Variants in SREBF1 observed in about 807,000 individuals in gnomAD.
SREBF1 encodes sterol regulatory element binding transcription factor 1.
SREBF1 carries 45 observed loss-of-function variants against 100.1 expected under a neutral mutation model. The ratio of observed to expected loss-of-function variants is 0.45; its 90% CI spans 0.35 to 0.58. SREBF1 has a LOEUF of 0.58. SREBF1 is among the 20% of genes least tolerant of loss of function. The pLI is 0.00. For missense variants in SREBF1, 1,324 were observed against 1,539.4 expected, an observed-to-expected ratio of 0.86 and a Z score of 2.34; for synonymous variants, 657 against 681.8, an observed-to-expected ratio of 0.96 and a Z score of 0.57.
At position 17,815,870 on chromosome 17, in the gene SREBF1, G is replaced by A. The variant is rs768387797; in HGVS notation, c.2373C>T (p.Ala791=). ...STPWESLYSL[A]GNPVDPLAQV... ...GGGGTAAGAGAGCACCTGGGTTCCCGGCCAAGCTGTACAGGCTCTCCCATG... is the reference window on the plus strand; with the variant it reads ...GGGGTAAGAGAGCACCTGGGTTCCCAGCCAAGCTGTACAGGCTCTCCCATG... The change falls in exon 12 of 19, where the codon GCC becomes GCT. Residue 791 remains alanine, a synonymous_variant. Coordinates refer to ENST00000261646, the MANE Select transcript of SREBF1 (RefSeq NM_004176.5). 2.4e-5 allele frequency: 38 copies of A among 1,612,516 alleles called. No individual in the cohort carries two copies. Among genetic ancestry groups the A allele is most frequent in the Middle Eastern group, 1.6e-4 (1 of 6,080 alleles).
chr17:17,818,892 G>A, intron 5 of SREBF1, 121 bp downstream of exon 5: 2 of 1,198,160 alleles, frequency 1.7e-6, no homozygotes, highest in South Asian at 1.2e-5. Flanking sequence ...GCCTGGGGAG[G>A]CTGAATTCCA....
At chr17:17,820,582 A>G in intron 1 of SREBF1, 61 bp from the exon 2 acceptor site, 2 of 1,547,420 alleles carry the variant, frequency 1.3e-6, no homozygotes, top group Non-Finnish European at 1.8e-6. Flanking sequence ...ACAGGGCATC[A>G]CACACATCCA....
chr17:17,818,858 A>C, intron 5 of SREBF1, 155 bp downstream of exon 5: 4 of 838,178 alleles, frequency 4.8e-6, no homozygotes, highest in Non-Finnish European at 7.8e-6. Context: ...AAACCAGTTT[A>C]ACTAAATAAA....
In SREBF1 at chr17:17,813,739, G is replaced by A; in HGVS notation, c.2932C>T (p.Leu978Phe). 1 of 1,535,694 alleles carries A rather than the reference G, an allele frequency of 6.5e-7. No individual in the cohort carries two copies. The highest frequency in any genetic ancestry group is 8.7e-7 in the Non-Finnish European group (1 of 1,146,940). Residue 978 changes from leucine (L) to phenylalanine (F), a missense_variant, in exon 17 of 19, where the codon CTT (leucine) becomes TTT (phenylalanine). Coordinates refer to ENST00000261646, the MANE Select transcript of SREBF1 (RefSeq NM_004176.5). ...CGCCACAGGCTGGTGCGCACCACAA[G>A]AAGCAGGTCACACAGGAACAGCTGC... is the stretch of plus-strand genomic sequence containing the variant. Reference protein sequence around the residue: ...AVQLFLCDLLLVVRTSLWRQQ... With the variant: ...AVQLFLCDLLFVVRTSLWRQQ...
intron 1 of SREBF1, among the ~76,000 whole-genome samples, chr17:17,830,061 G>A (rs2034763040): frequency 6.6e-6 from 1 of 152,258 alleles, no homozygotes; most frequent in Non-Finnish European, 1.5e-5. Context: ...CATGGTAGAT[G>A]CTCAGAACTT....
intron 1 of SREBF1, 192 bp from the exon 2 acceptor site, chr17:17,820,713 C>A (rs2034037769): frequency 3.0e-6 from 2 of 673,006 alleles, no homozygotes; most frequent in Non-Finnish European, 5.3e-6. Context: ...TTTGCGAGCA[C>A]CTGTGCTGTC....
chr17:17,814,067 C>T, intron 16 of SREBF1, 178 bp downstream of exon 16: 1 of 745,916 alleles, frequency 1.3e-6, no homozygotes, highest in South Asian at 1.8e-5. Flanking sequence ...CAGATAGGGG[C>T]AACCCCTCTC....
chr17:17,812,381 C>G lies in SREBF1; in HGVS notation c.*241G>C. 1 of 594,932 alleles carries G rather than the reference C, an allele frequency of 1.7e-6. No homozygotes were observed. The highest frequency in any genetic ancestry group is 2.9e-6 in the Non-Finnish European group (1 of 340,602). 36.9% of individuals were successfully genotyped at this position (594,932 alleles called of 1,614,324 possible). A position where few individuals can be genotyped will look rare whatever the true frequency, so the allele number is the denominator to read the frequency against. ...CAAGGAGGGGGGCCCCCCAAAATGGCTCGGCCCCTGCAGTGCCCCGATCGG... is the reference window on the plus strand; with the variant it reads ...CAAGGAGGGGGGCCCCCCAAAATGGGTCGGCCCCTGCAGTGCCCCGATCGG... On this transcript the variant is annotated 3_prime_UTR_variant, in exon 19 of 19. Coordinates refer to ENST00000261646, the MANE Select transcript of SREBF1 (RefSeq NM_004176.5).
At chr17:17,822,992 G>C (rs1403149695) in intron 1 of SREBF1, among the ~76,000 whole-genome samples, 1 of 152,204 alleles carries the variant, frequency 6.6e-6, no homozygotes, top group Non-Finnish European at 1.5e-5. Flanking sequence ...AGTCATAATG[G>C]ACTTTCAACT....
Position 17,817,813 on chromosome 17 carries a change from G to T in SREBF1, c.1287C>A (p.Pro429=). 2 of 1,612,568 alleles carry T rather than the reference G, an allele frequency of 1.2e-6. No individual in the cohort carries two copies. Among genetic ancestry groups the T allele is most frequent in the Non-Finnish European group, 1.7e-6 (2 of 1,180,002 alleles). Residue 429 remains proline (P), a synonymous_variant, in exon 7 of 19, where the codon CCC becomes CCA. Coordinates refer to ENST00000261646, the MANE Select transcript of SREBF1 (RefSeq NM_004176.5). This position sits in a 1 kb window ranked among gnomAD's most constrained non-coding sequence, Gnocchi z 6.6. ...TCTGGAAAGGTGAGCCAGCATCCGA[G>T]GGGGGTGGGGTCAGTGTGTCCTCCA... ...TEVEDTLTPP[P]SDAGSPFQSS...
chr17:17,812,193 T>A lies in SREBF1; in HGVS notation c.*429A>T. On this transcript the variant is annotated 3_prime_UTR_variant, in exon 19 of 19. Transcript: ENST00000261646. ...GGTCAGGAGGCTAAGCACGCTGACC[T>A]ACACTATGTACACGTCTCTCTCCCA... 1 of 419,930 alleles carries A rather than the reference T, an allele frequency of 2.4e-6. No individual in the cohort carries two copies. The highest frequency in any genetic ancestry group is 1.9e-5 in the South Asian group (1 of 53,774). The allele number at this position is 419,930 out of a possible 1,614,324, so 26.0% of individuals were successfully genotyped here.
intron 16 of SREBF1, 64 bp from the exon 17 acceptor site, chr17:17,813,833 C>T: frequency 6.7e-7 from 1 of 1,482,728 alleles, no homozygotes; most frequent in Non-Finnish European, 9.1e-7. Context: ...AGGATGGGGG[C>T]CCGTGGTGCC....
chr17:17,833,444 AAAAAAAATATATATATAT>A (rs2035013696), intron 1 of SREBF1, among the ~76,000 whole-genome samples: 1 of 121,264 alleles, frequency 8.2e-6, no homozygotes, highest in East Asian at 2.4e-4. Flanking sequence ...AAAAAAAAAA[AAAAAAAATATATATATAT>A]ATATATATAT....
intron 1 of SREBF1, among the ~76,000 whole-genome samples, chr17:17,822,888 T>C (rs1192525803): frequency 1.3e-5 from 2 of 152,156 alleles, no homozygotes; most frequent in African/African-American, 4.8e-5. Context: ...CCTAGAGCAG[T>C]TGGCAGAACA....
In SREBF1 at chr17:17,812,864, GGAT is replaced by G; in HGVS notation, c.3215-16_3215-14del. 1 of 1,473,226 alleles carries G rather than the reference GGAT, an allele frequency of 6.8e-7. No individual in the cohort carries two copies. The allele number at this position is 1,473,226 out of a possible 1,614,324, so 91.3% of individuals were successfully genotyped here. On this transcript the variant is annotated splice_polypyrimidine_tract_variant and intron_variant, in intron 18 of 18. Transcript: ENST00000261646. ...TCCGCCACCGCGCCTGCGCACACGA[GGAT>G]GTGTCAGGGATGGGTCTCAAGCTGG...
At position 17,819,469 on chromosome 17, in the gene SREBF1, G is replaced by C; in HGVS notation, c.712-15C>G. The C allele has an allele frequency of 6.2e-7, 1 of 1,613,552 alleles. No homozygotes were observed. Among genetic ancestry groups the C allele is most frequent in the Non-Finnish European group, 8.5e-7 (1 of 1,180,040 alleles). On this transcript the variant is annotated splice_polypyrimidine_tract_variant and intron_variant, in intron 3 of 18. Transcript: ENST00000261646. ...TGCAGCAGGACCTGAGGGTGGGAGA[G>C]GCTTGGCTGTAAGCTGTGTGTCTGG...
intron 1 of SREBF1, chr17:17,823,500 G>A (rs2034249945): frequency 4.4e-6 from 7 of 1,582,696 alleles, no homozygotes; most frequent in Non-Finnish European, 6.1e-6. Flanking sequence ...GGGCTGGTGG[G>A]GAGGCCTCCA....
At chr17:17,823,792 C>T (rs1287892736) in intron 1 of SREBF1, among the ~76,000 whole-genome samples, 1 of 151,014 alleles carries the variant, frequency 6.6e-6, no homozygotes, top group Non-Finnish European at 1.5e-5. Flanking sequence ...GCTGCCGCCT[C>T]GCTAGGGCCC....
At chr17:17,835,810 T>C (rs1407868392) in intron 1 of SREBF1, among the ~76,000 whole-genome samples, 2 of 152,238 alleles carry the variant, frequency 1.3e-5, no homozygotes, top group Non-Finnish European at 2.9e-5. Flanking sequence ...CCGGTGCCAC[T>C]GTTCTGCTCC....
Sources: gnomAD v4.1 joint callset for allele counts (sites outside exome capture counted in the v4.1 genomes callset) on GRCh38, gnomAD v4.1.1 for gene constraint, Gnocchi (gnomAD v3.1) non-coding constraint, MANE v1.5 for transcripts, NCBI Gene and HGNC (gene_info 2026-07-23, HGNC 2026-07-21) for gene names.